The following SHISA5 variants were observed in gnomAD, a reference collection of about 807,000 sequenced individuals.
SHISA5 encodes the protein shisa family member 5.
Under a neutral mutation model 27.5 loss-of-function variants are expected in SHISA5, and 21 were observed. That is an observed-to-expected ratio of 0.76 (90% CI 0.54 to 1.10). SHISA5 has a LOEUF of 1.10. Ranked by LOEUF, SHISA5 falls within the 50% of genes least tolerant of loss-of-function variation. SHISA5 has a pLI of 0.00. For synonymous variants in SHISA5, 137 were observed against 142.2 expected, an observed-to-expected ratio of 0.96 and a Z score of 0.26; for missense variants, 314 against 336.3, an observed-to-expected ratio of 0.93 and a Z score of 0.52.
chr3:48,493,992 C>T (rs1044583679), intron 2 of SHISA5, among the ~76,000 whole-genome samples: 2 of 147,474 alleles, frequency 1.4e-5, no homozygotes, highest in South Asian at 2.1e-4. Context: ...AATCTACTTC[C>T]TTAGCAATTT....
chr3:48,500,318 G>C (rs2041716960), intron 2 of SHISA5, among the ~76,000 whole-genome samples: 1 of 152,184 alleles, frequency 6.6e-6, no homozygotes, highest in East Asian at 1.9e-4. Flanking sequence ...AAATGGTCCT[G>C]ACATATTAAA....
chr3:48,469,967 G>T lies in SHISA5; in HGVS notation c.315-124C>A. 1 of 1,304,122 alleles carries T rather than the reference G, an allele frequency of 7.7e-7. No individual in the cohort carries two copies. The highest frequency in any genetic ancestry group is 1.0e-6 in the Non-Finnish European group (1 of 953,722). The allele number at this position is 1,304,122 out of a possible 1,614,324, so 80.8% of individuals were successfully genotyped here. On this transcript the variant is annotated intron_variant, in intron 3 of 5. Transcript: ENST00000296444. This position sits in a 1 kb window ranked among gnomAD's most constrained non-coding sequence, Gnocchi z 4.6. ...GCAATACAGTTATAGCTACTTCCTT[G>T]TCGGGTGGCCTGCACCTGTTTCAAT...
chr3:48,493,223 G>C (rs1470428823), intron 2 of SHISA5, among the ~76,000 whole-genome samples: 1 of 147,112 alleles, frequency 6.8e-6, no homozygotes, highest in Non-Finnish European at 1.5e-5. Flanking sequence ...GAGCCCAGGA[G>C]GTCAGGACCA....
At chr3:48,479,071 A>AC in intron 3 of SHISA5, 106 bp downstream of exon 3, 2 of 1,013,016 alleles carry the variant, frequency 2.0e-6, no homozygotes, top group Non-Finnish European at 3.0e-6. Context: ...CTTGGGCTCC[A>AC]CCCCAATGAC....
At chr3:48,492,274 T>A (rs376281674) in intron 2 of SHISA5, among the ~76,000 whole-genome samples, 1 of 140,910 alleles carries the variant, frequency 7.1e-6, no homozygotes, top group Non-Finnish European at 1.5e-5. Context: ...ATCAAGACCA[T>A]CCTGGCAAAC....
At position 48,479,217 on chromosome 3, in the gene SHISA5, C is replaced by T. The variant is rs1473018571; in HGVS notation, c.274G>A (p.Ala92Thr). The T allele has an allele frequency of 5.2e-6, 8 of 1,524,132 alleles. No individual in the cohort carries two copies. In the South Asian group the frequency reaches 8.5e-5, roughly 16 times the overall value. The allele number at this position is 1,524,132 out of a possible 1,614,324, so 94.4% of individuals were successfully genotyped here. The change falls in exon 3 of 6, where the codon GCG becomes ACG. Residue 92 changes from alanine (A) to threonine (T), a missense_variant. Physicochemically the swap from Ala to Thr is moderately conservative, Grantham distance 58. Coordinates refer to ENST00000296444, the MANE Select transcript of SHISA5 (RefSeq NM_016479.6). ...TTGTAGCCAGGGCGAAACCTCAGCG[C>T]CGAGCCCAGCTGCTCCACCGGCTCT... ...SVEPVEQLGS[A>T]LRFRPGYNDP...
intron 2 of SHISA5, among the ~76,000 whole-genome samples, chr3:48,492,881 GGACATAACCAGGAA>G (rs2041474147): frequency 6.8e-6 from 1 of 147,396 alleles, no homozygotes; most frequent in African/African-American, 2.7e-5. Context: ...GGCCACGTGA[GGACATAACCAGGAA>G]GAAGGCCCTC....
intron 1 of SHISA5, among the ~76,000 whole-genome samples, chr3:48,502,714 A>T (rs1440850168): frequency 6.6e-6 from 1 of 152,218 alleles, no homozygotes; most frequent in Non-Finnish European, 1.5e-5. Flanking sequence ...GCAGACTCCA[A>T]AGAGAATACC....
intron 2 of SHISA5, among the ~76,000 whole-genome samples, chr3:48,487,618 G>A (rs1364520230): frequency 6.6e-6 from 1 of 152,108 alleles, no homozygotes; most frequent in Non-Finnish European, 1.5e-5. Flanking sequence ...ATACCAGCTG[G>A]GCGCAGTGGC....
At chr3:48,488,651 T>C (rs1432341407) in intron 2 of SHISA5, among the ~76,000 whole-genome samples, 2 of 150,918 alleles carry the variant, frequency 1.3e-5, no homozygotes, top group Non-Finnish European at 3.0e-5. Context: ...CTGGCCAACA[T>C]GGAGAAACCC....
At chr3:48,497,603 A>G (rs1271861941) in intron 2 of SHISA5, among the ~76,000 whole-genome samples, 2 of 151,996 alleles carry the variant, frequency 1.3e-5, no homozygotes, top group Non-Finnish European at 2.9e-5. Flanking sequence ...GTTAAAAAAA[A>G]AGAGGGATTT....
Position 48,469,746 on chromosome 3 carries a change from T to C in SHISA5, c.412A>G (p.Thr138Ala). Residue 138 changes from threonine to alanine, a missense_variant, in exon 4 of 6, where the codon ACG becomes GCG. By Grantham distance (58) the Thr-to-Ala change is moderately conservative. Coordinates refer to ENST00000296444, the MANE Select transcript of SHISA5 (RefSeq NM_016479.6). The surrounding 1 kb of genome is among the most constrained non-coding windows in gnomAD (Gnocchi z 4.6). ...FTCSCCCLYKTCRRPRPVVTT... is the reference protein window; with the variant it reads ...FTCSCCCLYKACRRPRPVVTT... ...CGCTTACGACGTGGTCGGCGGCACG[T>C]CTTGTAAAGGCAGCAGCAGGAGCAG... 1 of 1,614,048 alleles carries C rather than the reference T, an allele frequency of 6.2e-7. No homozygotes were observed. The highest frequency in any genetic ancestry group is 1.1e-5 in the South Asian group (1 of 91,084).
chr3:48,503,303 A>T, intron 1 of SHISA5: 1 of 593,156 alleles, frequency 1.7e-6, no homozygotes, highest in Non-Finnish European at 2.8e-6. Flanking sequence ...TCACTCCAGG[A>T]GTGGGCGGAT....
intron 3 of SHISA5, among the ~76,000 whole-genome samples, chr3:48,478,454 T>TCTTTAAGCGGCTTCC (rs2040893277): frequency 1.3e-5 from 2 of 151,900 alleles, no homozygotes; most frequent in Admixed American, 6.6e-5. Context: ...GGCTTCTAGA[T>TCTTTAAGCGGCTTCC]CCACCAGGGA....
intron 1 of SHISA5, chr3:48,503,647 G>C: frequency 4.1e-6 from 4 of 985,958 alleles, no homozygotes; most frequent in Non-Finnish European, 5.0e-6. Flanking sequence ...GAGGCAAAGA[G>C]GGAAGGCCTC....
chr3:48,500,293 G>C (rs931529873), intron 2 of SHISA5, among the ~76,000 whole-genome samples: 1 of 152,178 alleles, frequency 6.6e-6, no homozygotes, highest in Non-Finnish European at 1.5e-5. Flanking sequence ...TTGCCTGTGG[G>C]GTGGGAAAGG....
At chr3:48,502,451 C>G (rs1434334969) in intron 1 of SHISA5, 1 of 454,824 alleles carries the variant, frequency 2.2e-6, no homozygotes, top group Admixed American at 2.4e-5. Flanking sequence ...CCATCTGTAG[C>G]CCTGGAGCCA....
intron 2 of SHISA5, among the ~76,000 whole-genome samples, chr3:48,480,960 T>C (rs979251277): frequency 1.3e-5 from 2 of 151,504 alleles, no homozygotes; most frequent in South Asian, 4.2e-4. Flanking sequence ...CCAGGCGTGG[T>C]GGCGGGCACC....
chr3:48,498,338 G>C (rs1268849159), intron 2 of SHISA5, among the ~76,000 whole-genome samples: 1 of 152,144 alleles, frequency 6.6e-6, no homozygotes, highest in East Asian at 1.9e-4. Flanking sequence ...ACTCAACATT[G>C]TAACTGAGGG....
Sources: gnomAD v4.1 joint callset for allele counts (sites outside exome capture counted in the v4.1 genomes callset) on GRCh38, gnomAD v4.1.1 for gene constraint, Gnocchi (gnomAD v3.1) non-coding constraint, MANE v1.5 for transcripts, NCBI Gene and HGNC (gene_info 2026-07-23, HGNC 2026-07-21) for gene names.